SATB1: variants seen among roughly 807,000 people sequenced by gnomAD.
SATB1 encodes the protein DNA-binding protein SATB1.
SATB1 carries 11 observed loss-of-function variants against 86.9 expected under a neutral mutation model. The ratio of observed to expected loss-of-function variants is 0.13; its 90% CI spans 0.08 to 0.21. The LOEUF (loss-of-function observed/expected upper bound fraction) is 0.21. Among genes scored for constraint, SATB1 ranks in the 10% least tolerant of loss-of-function variants. The pLI is 1.00. For synonymous variants in SATB1, 357 were observed against 357.2 expected, an observed-to-expected ratio of 1.00 and a Z score of 0.01; for missense variants, 551 against 937.6, an observed-to-expected ratio of 0.59 and a Z score of 5.39.
chr3:18,445,535 A>G (rs1035690630), exon 1 of SATB1: 5 of 984,932 alleles, frequency 5.1e-6, no homozygotes, highest in Non-Finnish European at 6.0e-6. Context: ...GGGGCCCCCA[A>G]CACGCGCACT....
intron 2 of SATB1, among the ~76,000 whole-genome samples, chr3:18,417,935 G>A (rs1350665978): frequency 1.3e-5 from 2 of 152,134 alleles, no homozygotes; most frequent in Admixed American, 6.5e-5. Flanking sequence ...GTAGCTAGAT[G>A]ATTAATAAGC....
intron 7 of SATB1, among the ~76,000 whole-genome samples, chr3:18,391,622 T>TGCGG (rs1696679718): frequency 6.7e-6 from 1 of 148,706 alleles, no homozygotes; most frequent in African/African-American, 2.5e-5. Context: ...AGTGAGAATA[T>TGCGG]GCGGTGTTTG....
rs763259243 is a variant in SATB1, at chr3:18,349,467, G to A, written c.1995C>T (p.Asp665=). ...ALGILQSFIQ[D]VGLYPDEEAI... ...CCTCTTCGTCAGGGTACAGGCCCAC[G>A]TCTTGTATGAAACTCTGGAGGATTC... Residue 665 remains aspartate, a synonymous_variant, in exon 11 of 11, where the codon GAC becomes GAT. Transcript: ENST00000338745. This position sits in a 1 kb window ranked among gnomAD's most constrained non-coding sequence, Gnocchi z 5.5. 37 of 1,614,052 alleles carry A rather than the reference G, an allele frequency of 2.3e-5. No homozygotes were observed. Among genetic ancestry groups the A allele is most frequent in the Admixed American group, 5.0e-5 (3 of 60,008 alleles).
chr3:18,445,108 G>C (rs1242772159), intron 1 of SATB1: 2 of 613,278 alleles, frequency 3.3e-6, no homozygotes, highest in African/African-American at 4.0e-5. Context: ...CTGCGCCCGG[G>C]GGCTCGGCGG....
chr3:18,415,975 T>G (rs753153902), intron 4 of SATB1, 32 bp downstream of exon 4: 1 of 1,537,616 alleles, frequency 6.5e-7, no homozygotes, highest in South Asian at 1.2e-5. Flanking sequence ...GTAAGAAGAA[T>G]GTTTCACCCT....
At position 18,395,012 on chromosome 3, in the gene SATB1, A is replaced by G. The variant is rs190536077; in HGVS notation, c.752-96T>C. On this transcript the variant is annotated intron_variant, in intron 6 of 10. Coordinates refer to ENST00000338745, the MANE Select transcript of SATB1 (RefSeq NM_002971.6). ...TCCTAAATTAAAAAAGGGTAGGCAC[A>G]GGGCACACCCCAAATCCAATAAAAC... 433 of 952,266 alleles carry G rather than the reference A, an allele frequency of 4.5e-4. 2 individuals carry two copies. The highest frequency in any genetic ancestry group is 4.5e-3 in the South Asian group (256 of 56,678). 59.0% of individuals were successfully genotyped at this position (952,266 alleles called of 1,614,324 possible).
intron 9 of SATB1, among the ~76,000 whole-genome samples, chr3:18,359,973 C>T (rs978739574): frequency 3.3e-5 from 5 of 151,992 alleles, no homozygotes; most frequent in African/African-American, 1.2e-4. Context: ...TAGACAACAA[C>T]ATTCTTTTTT....
At chr3:18,397,052 C>G in intron 6 of SATB1, 127 bp downstream of exon 6, 1 of 638,500 alleles carries the variant, frequency 1.6e-6, no homozygotes, top group Non-Finnish European at 2.8e-6. Context: ...TTCCCACCCC[C>G]AAAGAAACAT....
chr3:18,348,684 C>G lies in SATB1; in HGVS notation c.*486G>C, dbSNP rs1040892749. 6.5e-6 allele frequency: 1 copy of G among 153,230 alleles called. No homozygotes were observed. The highest frequency in any genetic ancestry group is 1.9e-4 in the East Asian group (1 of 5,190). The allele number at this position is 153,230 out of a possible 1,614,324, so 9.5% of individuals were successfully genotyped here. A position where few individuals can be genotyped will look rare whatever the true frequency, so the allele number is the denominator to read the frequency against. ...TATGTCATCTTTAAACTGCATTCCA[C>G]AGTCTATAGTTCTTTTGTAACATAC... On this transcript the variant is annotated 3_prime_UTR_variant, in exon 11 of 11. Transcript: ENST00000338745.
intron 2 of SATB1, among the ~76,000 whole-genome samples, chr3:18,435,819 C>A (rs781438488): frequency 2.0e-5 from 3 of 152,036 alleles, no homozygotes; most frequent in Non-Finnish European, 4.4e-5. Flanking sequence ...ATTTTTGTCT[C>A]GTGGATGGCA....
At chr3:18,351,314 T>C in intron 10 of SATB1, 1 of 1,543,392 alleles carries the variant, frequency 6.5e-7, no homozygotes, top group South Asian at 1.2e-5. Context: ...CCCGCTCACC[T>C]GAGGAGCAGC....
At chr3:18,413,866 C>G (rs1302208044) in intron 5 of SATB1, among the ~76,000 whole-genome samples, 1 of 151,954 alleles carries the variant, frequency 6.6e-6, no homozygotes, top group Non-Finnish European at 1.5e-5. Flanking sequence ...AAATTTCTAG[C>G]AAATATCAAA....
Position 18,348,938 on chromosome 3 carries a change from TACC to T in SATB1, c.*229_*231del. ...TGCATCCCGTGAACACAAATTTTAA[TACC>T]AAACAATCCTTGATGCTTCACCTGG... On this transcript the variant is annotated 3_prime_UTR_variant, in exon 11 of 11. Coordinates refer to ENST00000338745, the MANE Select transcript of SATB1 (RefSeq NM_002971.6). 1 of 621,196 alleles carries T rather than the reference TACC, an allele frequency of 1.6e-6. No homozygotes were observed. The highest frequency in any genetic ancestry group is 2.3e-5 in the South Asian group (1 of 43,620). 38.5% of individuals were successfully genotyped at this position (621,196 alleles called of 1,614,324 possible).
chr3:18,363,932 G>A (rs954762984), intron 9 of SATB1, among the ~76,000 whole-genome samples: 44 of 152,164 alleles, frequency 2.9e-4, no homozygotes, highest in African/African-American at 9.2e-4. Flanking sequence ...GTGGGCATGC[G>A]AATATCAGAG....
At chr3:18,409,750 T>A (rs1047489276) in intron 5 of SATB1, 2 of 152,020 alleles carry the variant, frequency 1.3e-5, no homozygotes, top group African/African-American at 2.4e-5. Flanking sequence ...ATTCAAAATA[T>A]ATGATGTTTA....
chr3:18,359,556 A>G (rs1383895277), intron 9 of SATB1, among the ~76,000 whole-genome samples: 1 of 152,050 alleles, frequency 6.6e-6, no homozygotes, highest in Non-Finnish European at 1.5e-5. Context: ...TTTCATATAT[A>G]CGTCAAACCT....
At chr3:18,363,775 G>C (rs1459844277) in intron 9 of SATB1, among the ~76,000 whole-genome samples, 1 of 152,078 alleles carries the variant, frequency 6.6e-6, no homozygotes, top group Non-Finnish European at 1.5e-5. Flanking sequence ...CAGGAGATGT[G>C]GGGACAAAAC....
In SATB1 at chr3:18,351,144, A is replaced by G. The variant is rs556300344; in HGVS notation, c.1779+848T>C. On this transcript the variant is annotated intron_variant, in intron 10 of 10. Transcript: ENST00000338745. ...CAGGAGATGAATGGTGACAAGTCCCATGACATGACAAACAAAGCATAAGGC... is the reference window on the plus strand; with the variant it reads ...CAGGAGATGAATGGTGACAAGTCCCGTGACATGACAAACAAAGCATAAGGC... 1.1e-5 allele frequency: 7 copies of G among 652,144 alleles called. 1 individual carries two copies. The South Asian group carries it at 1.2e-4, about 11-fold the overall frequency. The allele number at this position is 652,144 out of a possible 1,614,324, so 40.4% of individuals were successfully genotyped here. A position where few individuals can be genotyped will look rare whatever the true frequency, so the allele number is the denominator to read the frequency against.
At chr3:18,356,419 G>GAA (rs34464594) in intron 9 of SATB1, among the ~76,000 whole-genome samples, 12,452 of 121,870 alleles carry the variant, frequency 0.1, 1,409 homozygotes, top group East Asian at 0.48. Flanking sequence ...ATGTAAGATT[G>GAA]AAAAAAAAAA....
Sources: gnomAD v4.1 joint callset for allele counts (sites outside exome capture counted in the v4.1 genomes callset) on GRCh38, gnomAD v4.1.1 for gene constraint, Gnocchi (gnomAD v3.1) non-coding constraint, MANE v1.5 for transcripts, NCBI Gene and HGNC (gene_info 2026-07-23, HGNC 2026-07-21) for gene names.